Variants in LCN10 observed in about 807,000 individuals in gnomAD.
The protein encoded by LCN10 is epididymal-specific lipocalin-10.
Under a neutral mutation model 25.1 loss-of-function variants are expected in LCN10, and 18 were observed. The observed-to-expected ratio is 0.72, with a 90% CI of 0.50 to 1.06. The LOEUF is 1.06. LCN10 is among the 50% of genes least tolerant of loss of function. The pLI is 0.00. For synonymous variants in LCN10, 130 were observed against 116.7 expected (o/e 1.11, Z -0.73); for missense variants, 257 against 258.9 (o/e 0.99, Z 0.05).
chr9:136,740,697 G>T lies in LCN10; in HGVS notation c.475+139C>A. ...GACTGCTGTGGTCTCGGCTTCCATTGCCCCTGCCCTGACCACCGCCCCAAC... is the reference window on the plus strand; with the variant it reads ...GACTGCTGTGGTCTCGGCTTCCATTTCCCCTGCCCTGACCACCGCCCCAAC... On this transcript the variant is annotated intron_variant, in intron 4 of 5. Transcript: ENST00000497771. The surrounding 1 kb of genome is among the most constrained non-coding windows in gnomAD (Gnocchi z 5.3). The T allele has an allele frequency of 1.6e-6, 1 of 628,776 alleles. No individual in the cohort carries two copies. The highest frequency in any genetic ancestry group is 2.8e-6 in the Non-Finnish European group (1 of 362,528). The allele number at this position is 628,776 out of a possible 1,614,324, so 38.9% of individuals were successfully genotyped here.
chr9:136,741,631 C>G, intron 2 of LCN10: 1 of 617,090 alleles, frequency 1.6e-6, no homozygotes, highest in Non-Finnish European at 2.8e-6. Context: ...CCAGGAGCTG[C>G]AAGCGGCTTC....
In LCN10 at chr9:136,738,508, G is replaced by A. The variant is rs1263741285; in HGVS notation, c.*1017C>T. On this transcript the variant is annotated 3_prime_UTR_variant, in exon 6 of 6. Transcript: ENST00000497771. ...GTCATGGCTGAGGACTCGGGTTCAG[G>A]GTTTCTTTGGGATCCCCTTGGCCAG... 1 of 152,184 alleles carries A rather than the reference G, an allele frequency of 6.6e-6. No homozygotes were observed. The highest frequency in any genetic ancestry group is 1.5e-5 in the Non-Finnish European group (1 of 68,072). 9.4% of individuals were successfully genotyped at this position (152,184 alleles called of 1,614,324 possible). A position where few individuals can be genotyped will look rare whatever the true frequency, so the allele number is the denominator to read the frequency against.
Position 136,739,958 on chromosome 9 carries a change from G to A in LCN10, c.566C>T (p.Pro189Leu), listed in dbSNP as rs746139862. Reference sequence around the variant, plus strand: ...CTGAGGGCACAGCTTACCGTCTTTCGGGAGGATGACGGCGGCCTTGGAGAG... The same window carrying A: ...CTGAGGGCACAGCTTACCGTCTTTCAGGAGGATGACGGCGGCCTTGGAGAG... ...LGLSKAAVIL[P>L]KDASRTHTIL... is the part of the protein sequence containing the mutation. Residue 189 changes from proline (P) to leucine (L), a missense_variant, in exon 5 of 6, where the codon CCG becomes CTG. Pro to Leu is a moderately conservative substitution (Grantham distance 98, BLOSUM62 -3). Coordinates refer to ENST00000497771, the MANE Select transcript of LCN10 (RefSeq NM_001001712.3). This position sits in a 1 kb window ranked among gnomAD's most constrained non-coding sequence, Gnocchi z 6.1. The A allele has an allele frequency of 2.6e-5, 42 of 1,587,944 alleles. No homozygotes were observed. The highest frequency in any genetic ancestry group is 6.9e-5 in the East Asian group (3 of 43,524).
rs576702839 is a variant in LCN10 at position 136,739,960 on chromosome 9, G to A, written c.564C>T (p.Leu188=). ...ILGLSKAAVI[L]PKDASRTHTI... is the part of the protein sequence containing the mutation. ...GAGGGCACAGCTTACCGTCTTTCGG[G>A]AGGATGACGGCGGCCTTGGAGAGCC... The change falls in exon 5 of 6, where the codon CTC becomes CTT. Residue 188 remains leucine, a synonymous_variant. Transcript: ENST00000497771. The surrounding 1 kb of genome is among the most constrained non-coding windows in gnomAD (Gnocchi z 6.1). The A allele has an allele frequency of 5.7e-6, 9 of 1,588,602 alleles. No individual in the cohort carries two copies. The highest frequency in any genetic ancestry group is 2.3e-5 in the South Asian group (2 of 86,932).
Position 136,741,269 on chromosome 9 carries a change from C to A in LCN10, c.350G>T (p.Arg117Met), listed in dbSNP as rs1411689706. ...GNACAYAAGP[R>M]EGQEGVKGVK... ...AAGCACACCTCCCTCCTGTCCTTCC[C>A]TCGGGCCCGCCGCGTATGCACAGGC... The change falls in exon 3 of 6, where the codon AGG (arginine) becomes ATG (methionine). Residue 117 changes from arginine to methionine, a missense_variant. Transcript: ENST00000497771. 1.2e-6 allele frequency: 2 copies of A among 1,613,552 alleles called. No individual in the cohort carries two copies. Among genetic ancestry groups the A allele is most frequent in the East Asian group, 4.5e-5 (2 of 44,886 alleles).
rs114417543 is a variant in LCN10 at position 136,739,719 on chromosome 9, G to A, written c.575-166C>T. 3.0e-3 allele frequency: 2,280 copies of A among 750,222 alleles called. 37 individuals are homozygous for A. In the African/African-American group the frequency reaches 0.034, roughly 11 times the overall value. 46.5% of individuals were successfully genotyped at this position (750,222 alleles called of 1,614,324 possible). ...ATCCTGCAGCCACAGCCACGGCATC[G>A]CCTGGTCGGATGCAGCATCTGCTCC... On this transcript the variant is annotated intron_variant, in intron 5 of 5. Coordinates refer to ENST00000497771, the MANE Select transcript of LCN10 (RefSeq NM_001001712.3). The surrounding 1 kb of genome is among the most constrained non-coding windows in gnomAD (Gnocchi z 6.1).
At chr9:136,741,116 G>A in intron 3 of LCN10, 136 bp downstream of exon 3, 1 of 994,858 alleles carries the variant, frequency 1.0e-6, no homozygotes, top group East Asian at 2.6e-5. Context: ...CCCAGCACAT[G>A]ACGTGTGGGC....
intron 1 of LCN10, 197 bp downstream of exon 1, chr9:136,742,590 T>A: frequency 1.5e-5 from 9 of 594,898 alleles, no homozygotes; most frequent in Admixed American, 3.2e-5. Flanking sequence ...CCGAACCCCC[T>A]CGAGGCTCCC....
At position 136,740,730 on chromosome 9, in the gene LCN10, C is replaced by T; in HGVS notation, c.475+106G>A. On this transcript the variant is annotated intron_variant, in intron 4 of 5. Transcript: ENST00000497771. This position sits in a 1 kb window ranked among gnomAD's most constrained non-coding sequence, Gnocchi z 5.3. The stretch of plus-strand genomic sequence containing the variant: ...CCTGACCACCGCCCCAACCCCCACT[C>T]TCCCTGCCCGCCTCACCTCCTGCCC... The T allele has an allele frequency of 1.2e-6, 1 of 808,034 alleles. No individual in the cohort carries two copies. Among genetic ancestry groups the T allele is most frequent in the Non-Finnish European group, 1.9e-6 (1 of 512,972 alleles). The allele number at this position is 808,034 out of a possible 1,614,324, so 50.1% of individuals were successfully genotyped here. A position where few individuals can be genotyped will look rare whatever the true frequency, so the allele number is the denominator to read the frequency against.
intron 1 of LCN10, 112 bp downstream of exon 1, chr9:136,742,675 G>T: frequency 2.3e-6 from 3 of 1,332,092 alleles, no homozygotes; most frequent in Non-Finnish European, 3.0e-6. Context: ...CAGCGCCCGT[G>T]CCTGGAACTG....
chr9:136,739,326 C>T lies in LCN10; in HGVS notation c.*199G>A, dbSNP rs10118741. 3.7e-5 allele frequency: 22 copies of T among 595,216 alleles called. No individual in the cohort carries two copies. Among genetic ancestry groups the T allele is most frequent in the Admixed American group, 1.1e-4 (4 of 36,712 alleles). The allele number at this position is 595,216 out of a possible 1,614,324, so 36.9% of individuals were successfully genotyped here. A position where few individuals can be genotyped will look rare whatever the true frequency, so the allele number is the denominator to read the frequency against. On this transcript the variant is annotated 3_prime_UTR_variant, in exon 6 of 6. Transcript: ENST00000497771. The surrounding 1 kb of genome is among the most constrained non-coding windows in gnomAD (Gnocchi z 6.1). ...GGGGCCTGGCTGACATCTCGCCACC[C>T]GGTCAGCCTGTATCCTCCTTCCCCC...
rs964939941 is a variant in LCN10, at chr9:136,739,129, C to A, written c.*396G>T. The stretch of plus-strand genomic sequence containing the variant: ...GGCTCCTCCATGTTGGGTGGATATG[C>A]GAACGGCTTCCTGAGAAAGTGCAGG... On this transcript the variant is annotated 3_prime_UTR_variant, in exon 6 of 6. Coordinates refer to ENST00000497771, the MANE Select transcript of LCN10 (RefSeq NM_001001712.3). The surrounding 1 kb of genome is among the most constrained non-coding windows in gnomAD (Gnocchi z 6.1). The A allele has an allele frequency of 8.6e-6, 2 of 232,414 alleles. No individual in the cohort carries two copies. Among genetic ancestry groups the A allele is most frequent in the African/African-American group, 4.6e-5 (2 of 43,856 alleles). The allele number at this position is 232,414 out of a possible 1,614,324, so 14.4% of individuals were successfully genotyped here.
At position 136,741,377 on chromosome 9, in the gene LCN10, G is replaced by C; in HGVS notation, c.258-16C>G. ...CCCCTTCAACCTGGGGCCAAGGCGG[G>C]GGCTCAGGCTGCAGACCAGGGAACC... is the stretch of plus-strand genomic sequence containing the variant. On this transcript the variant is annotated splice_polypyrimidine_tract_variant and intron_variant, in intron 2 of 5. Transcript: ENST00000497771. The C allele has an allele frequency of 6.3e-7, 1 of 1,591,016 alleles. No individual in the cohort carries two copies.
At chr9:136,742,104 G>A (rs1041671898) in intron 1 of LCN10, 84 bp from the exon 2 acceptor site, 3 of 1,538,708 alleles carry the variant, frequency 1.9e-6, no homozygotes, top group Non-Finnish European at 2.6e-6. Context: ...GAGAACCCAG[G>A]AGACAAATGA....
In LCN10 at chr9:136,742,801, G is replaced by A; in HGVS notation, c.103C>T (p.Leu35Phe). Reference sequence around the variant, plus strand: ...ACATGGCTCACCTTGTTCCAGTTGAGGGCGTGGGACTCCCTGGGGTACCAC... The same window carrying A: ...ACATGGCTCACCTTGTTCCAGTTGAAGGCGTGGGACTCCCTGGGGTACCAC... ...QEWYPRESHA[L>F]NWNKFSGFWY... The change falls in exon 1 of 6, where the codon CTC becomes TTC. Residue 35 changes from leucine (L) to phenylalanine (F), a missense_variant. Physicochemically the swap from Leu to Phe is conservative, Grantham distance 22. Transcript: ENST00000497771. The A allele has an allele frequency of 6.2e-7, 1 of 1,613,438 alleles. No homozygotes were observed. Among genetic ancestry groups the A allele is most frequent in the South Asian group, 1.1e-5 (1 of 91,086 alleles).
chr9:136,739,748 C>T lies in LCN10; in HGVS notation c.575-195G>A, dbSNP rs1321630350. 5 of 730,740 alleles carry T rather than the reference C, an allele frequency of 6.8e-6. No homozygotes were observed. Among genetic ancestry groups the T allele is most frequent in the East Asian group, 2.7e-5 (1 of 37,108 alleles). 45.3% of individuals were successfully genotyped at this position (730,740 alleles called of 1,614,324 possible). A position where few individuals can be genotyped will look rare whatever the true frequency, so the allele number is the denominator to read the frequency against. On this transcript the variant is annotated intron_variant, in intron 5 of 5. Transcript: ENST00000497771. This position sits in a 1 kb window ranked among gnomAD's most constrained non-coding sequence, Gnocchi z 6.1. ...GGTCGGATGCAGCATCTGCTCCGGA[C>T]GCCTCTCGCTGTCGGTGCCAGGCCT...
rs959519069 is a variant in LCN10, at chr9:136,739,800, G to A, written c.574+150C>T. On this transcript the variant is annotated intron_variant, in intron 5 of 5. Coordinates refer to ENST00000497771, the MANE Select transcript of LCN10 (RefSeq NM_001001712.3). This position sits in a 1 kb window ranked among gnomAD's most constrained non-coding sequence, Gnocchi z 6.1. The stretch of plus-strand genomic sequence containing the variant: ...CCAGGCCAAGCCCCGATTCTCAGGG[G>A]CGGCAGGAGGTGGGAGGCACGTTTG... 1.1e-5 allele frequency: 9 copies of A among 805,070 alleles called. No homozygotes were observed. Among genetic ancestry groups the A allele is most frequent in the South Asian group, 7.7e-5 (5 of 64,554 alleles). The allele number at this position is 805,070 out of a possible 1,614,324, so 49.9% of individuals were successfully genotyped here. A position where few individuals can be genotyped will look rare whatever the true frequency, so the allele number is the denominator to read the frequency against.
At position 136,742,768 on chromosome 9, in the gene LCN10, C is replaced by T. The variant is rs1564323873; in HGVS notation, c.117+19G>A. The stretch of plus-strand genomic sequence containing the variant: ...CCAGAGCCGGCGCCCGGCTCAGGGA[C>T]CAGTGGCACATGGCTCACCTTGTTC... On this transcript the variant is annotated intron_variant, in intron 1 of 5. Coordinates refer to ENST00000497771, the MANE Select transcript of LCN10 (RefSeq NM_001001712.3). The T allele has an allele frequency of 7.4e-6, 12 of 1,612,752 alleles. No individual in the cohort carries two copies. Among genetic ancestry groups the T allele is most frequent in the Non-Finnish European group, 1.0e-5 (12 of 1,179,514 alleles).
chr9:136,742,411 G>T (rs1846957687), intron 1 of LCN10: 1 of 406,776 alleles, frequency 2.5e-6, no homozygotes, highest in Middle Eastern at 6.9e-4. Flanking sequence ...GCACCGCCGT[G>T]CCAATGAGTG....
Sources: allele counts gnomAD v4.1 joint callset, GRCh38; gene constraint gnomAD v4.1.1; non-coding constraint Gnocchi (gnomAD v3.1); transcripts MANE v1.5; gene names NCBI Gene and HGNC (gene_info 2026-07-23, HGNC 2026-07-21).